Variants in GOLIM4 observed in about 807,000 individuals in gnomAD.
The protein encoded by GOLIM4 is 130 kDa golgi-localized phosphoprotein.
GOLIM4 carries 71 observed loss-of-function variants against 107.4 expected under a neutral mutation model. That is an observed-to-expected ratio of 0.66 (90% CI 0.55 to 0.81). The LOEUF (loss-of-function observed/expected upper bound fraction) is 0.81. GOLIM4 is among the 30% of genes least tolerant of loss of function. GOLIM4 has a pLI of 0.00. For synonymous variants in GOLIM4, 327 were observed against 294.8 expected, an observed-to-expected ratio of 1.11 and a Z score of -1.12; for missense variants, 830 against 826.1, an observed-to-expected ratio of 1.00 and a Z score of -0.06.
At chr3:168,014,888 T>A (rs1298917455) in intron 14 of GOLIM4, among the ~76,000 whole-genome samples, 1 of 150,212 alleles carries the variant, frequency 6.7e-6, no homozygotes, top group Non-Finnish European at 1.5e-5. Context: ...TGGGACGTAT[T>A]TCAAAATAAT....
intron 1 of GOLIM4, among the ~76,000 whole-genome samples, chr3:168,062,073 A>G (rs1348011670): frequency 9.9e-5 from 15 of 152,244 alleles, no homozygotes; most frequent in Non-Finnish European, 1.5e-5. Flanking sequence ...CATAAATAAA[A>G]TAGTGAAATA....
At chr3:168,044,938 T>C (rs2108248779) in intron 3 of GOLIM4, 57 bp from the exon 4 acceptor site, 1 of 965,332 alleles carries the variant, frequency 1.0e-6, no homozygotes, top group Non-Finnish European at 1.6e-6. Flanking sequence ...TCTTGTTAAA[T>C]ACAGCTTAAA....
chr3:168,079,486 T>C (rs1721234272), intron 1 of GOLIM4, among the ~76,000 whole-genome samples: 1 of 152,232 alleles, frequency 6.6e-6, no homozygotes, highest in Non-Finnish European at 1.5e-5. Flanking sequence ...TTGCTGGTTA[T>C]ACAGTTGTGT....
At chr3:168,013,702 G>T (rs899026058) in intron 14 of GOLIM4, among the ~76,000 whole-genome samples, 1 of 151,716 alleles carries the variant, frequency 6.6e-6, no homozygotes, top group Non-Finnish European at 1.5e-5. Flanking sequence ...TCAGACCACA[G>T]TGCAATCAAA....
At chr3:168,052,509 A>G (rs1346655550) in intron 1 of GOLIM4, among the ~76,000 whole-genome samples, 1 of 151,886 alleles carries the variant, frequency 6.6e-6, no homozygotes, top group Non-Finnish European at 1.5e-5. Context: ...TAAAAGAAAA[A>G]GCAAATAATA....
Position 168,024,328 on chromosome 3 carries a change from C to A in GOLIM4, c.1860+198G>T, listed in dbSNP as rs573252483. ...AACCAAAGAGATGGATTCTATTACCCTGCTTTTGTTATCTTCTAACCAAAT... is the reference window on the plus strand; with the variant it reads ...AACCAAAGAGATGGATTCTATTACCATGCTTTTGTTATCTTCTAACCAAAT... On this transcript the variant is annotated intron_variant, in intron 14 of 15. Transcript: ENST00000470487. 1.4e-4 allele frequency among the ~76,000 whole-genome samples: 21 copies of A among 152,310 alleles called. No homozygotes were observed. In the South Asian group the frequency reaches 4.4e-3, roughly 32 times the overall value.
intron 1 of GOLIM4, among the ~76,000 whole-genome samples, chr3:168,053,071 A>T (rs1719745379): frequency 6.6e-6 from 1 of 152,216 alleles, no homozygotes; most frequent in Non-Finnish European, 1.5e-5. Context: ...CCAGGAATGG[A>T]AAGAGGTTCT....
intron 4 of GOLIM4, among the ~76,000 whole-genome samples, 160 bp from the exon 5 acceptor site, chr3:168,043,689 T>C (rs765478931): frequency 1.3e-5 from 2 of 152,224 alleles, no homozygotes; most frequent in African/African-American, 2.4e-5. Context: ...TTGTGCAGCT[T>C]CCCTCCATTT....
At chr3:168,047,650 A>G (rs1560088551) in intron 2 of GOLIM4, among the ~76,000 whole-genome samples, 1 of 152,240 alleles carries the variant, frequency 6.6e-6, no homozygotes, top group Non-Finnish European at 1.5e-5. Flanking sequence ...ATTTATCATA[A>G]AACATGAATA....
chr3:168,036,129 A>G (rs1024993621), intron 8 of GOLIM4, among the ~76,000 whole-genome samples: 2 of 152,164 alleles, frequency 1.3e-5, no homozygotes, highest in Non-Finnish European at 1.5e-5. Context: ...ATGATCATTT[A>G]ACGTTCTCAC....
rs1305057039 is a variant in GOLIM4 at position 168,055,547 on chromosome 3, C to T, written c.188-7182G>A. On this transcript the variant is annotated intron_variant, in intron 1 of 15. Coordinates refer to ENST00000470487, the MANE Select transcript of GOLIM4 (RefSeq NM_014498.5). ...GGCGCGGTGGCTCACGCCTGTAATC[C>T]CAGCACTTTGGGAGGCCGAGGTGGA... 2.6e-5 allele frequency among the ~76,000 whole-genome samples: 4 copies of T among 151,866 alleles called. No individual in the cohort carries two copies. In the East Asian group the frequency reaches 7.7e-4, roughly 29 times the overall value.
chr3:168,041,103 A>G, intron 6 of GOLIM4: 1 of 500,526 alleles, frequency 2.0e-6, no homozygotes, highest in Non-Finnish European at 3.5e-6. Context: ...AATCAAAACC[A>G]AAGAAACAAA....
intron 1 of GOLIM4, among the ~76,000 whole-genome samples, chr3:168,049,409 C>G (rs1719493910): frequency 6.6e-6 from 1 of 152,130 alleles, no homozygotes; most frequent in Non-Finnish European, 1.5e-5. Flanking sequence ...AGATTTCATC[C>G]AGGAACAGAA....
chr3:168,035,775 T>C (rs539269016), intron 8 of GOLIM4, among the ~76,000 whole-genome samples: 1 of 152,202 alleles, frequency 6.6e-6, no homozygotes, highest in African/African-American at 2.4e-5. Context: ...CATGTACCCC[T>C]GAACTTAAAA....
intron 1 of GOLIM4, among the ~76,000 whole-genome samples, chr3:168,048,644 G>C (rs1719449111): frequency 6.6e-6 from 1 of 152,142 alleles, no homozygotes; most frequent in African/African-American, 2.4e-5. Flanking sequence ...CCTCTTAAAT[G>C]CAAGTGTCTT....
intron 1 of GOLIM4, among the ~76,000 whole-genome samples, chr3:168,050,965 G>A (rs1326235183): frequency 1.3e-5 from 2 of 151,826 alleles, no homozygotes; most frequent in African/African-American, 4.8e-5. Flanking sequence ...TATTGTAGAA[G>A]GTCAAGGATA....
intron 1 of GOLIM4, among the ~76,000 whole-genome samples, chr3:168,061,336 G>C (rs1212618384): frequency 6.6e-6 from 1 of 152,194 alleles, no homozygotes. Context: ...TAGTTGGCAA[G>C]AATGTGGAGG....
At chr3:168,050,354 A>G (rs1719544765) in intron 1 of GOLIM4, among the ~76,000 whole-genome samples, 2 of 152,156 alleles carry the variant, frequency 1.3e-5, no homozygotes, top group Admixed American at 1.3e-4. Flanking sequence ...GGTTCCTTGG[A>G]TTACTACTAA....
intron 1 of GOLIM4, among the ~76,000 whole-genome samples, chr3:168,073,201 C>A (rs1222346128): frequency 6.6e-6 from 1 of 152,182 alleles, no homozygotes; most frequent in Admixed American, 6.5e-5. Flanking sequence ...TACTTGTTCT[C>A]ATATGATCCG....
Sources: gnomAD v4.1 joint callset for allele counts (sites outside exome capture counted in the v4.1 genomes callset) on GRCh38, gnomAD v4.1.1 for gene constraint, MANE v1.5 for transcripts, NCBI Gene and HGNC (gene_info 2026-07-23, HGNC 2026-07-21) for gene names.